MIPOL1: variants seen among roughly 807,000 people sequenced by gnomAD.
MIPOL1 encodes mirror-image polydactyly 1.
Under a neutral mutation model 60.9 loss-of-function variants are expected in MIPOL1, and 57 were observed. The observed-to-expected ratio is 0.94, with a 90% CI of 0.76 to 1.17. MIPOL1 has a LOEUF of 1.17. Ranked by LOEUF, MIPOL1 falls within the 50% of genes most tolerant of loss-of-function variation. MIPOL1 has a pLI of 0.00. For missense variants in MIPOL1, 551 were observed against 511.6 expected (o/e 1.08, Z -0.74); for synonymous variants, 179 against 168.8 (o/e 1.06, Z -0.47).
chr14:37,394,256 C>T (rs1479751257), intron 10 of MIPOL1, among the ~76,000 whole-genome samples: 1 of 151,268 alleles, frequency 6.6e-6, no homozygotes, highest in Admixed American at 6.6e-5. Flanking sequence ...CATATAACTT[C>T]TTTTTCTCTG....
intron 10 of MIPOL1, among the ~76,000 whole-genome samples, chr14:37,389,837 G>A (rs1347879782): frequency 1.3e-5 from 2 of 151,670 alleles, no homozygotes; most frequent in African/African-American, 2.4e-5. Flanking sequence ...GGATATCTGT[G>A]ACTGCACAGG....
chr14:37,205,304 A>T (rs956993112), intron 1 of MIPOL1, among the ~76,000 whole-genome samples: 1 of 151,880 alleles, frequency 6.6e-6, no homozygotes, highest in Non-Finnish European at 1.5e-5. Flanking sequence ...GGATTTCATC[A>T]TGTTGGCCAG....
chr14:37,412,670 T>A (rs543314431), intron 10 of MIPOL1, among the ~76,000 whole-genome samples: 16 of 152,186 alleles, frequency 1.1e-4, no homozygotes, highest in African/African-American at 3.6e-4. Context: ...GAAGATTAGG[T>A]AGAAGCATGA....
intron 11 of MIPOL1, among the ~76,000 whole-genome samples, chr14:37,477,058 T>A (rs1241162047): frequency 6.6e-6 from 1 of 151,636 alleles, no homozygotes; most frequent in African/African-American, 2.4e-5. Context: ...GTACCACACG[T>A]CCAGGTAATT....
intron 12 of MIPOL1, chr14:37,523,465 T>C: frequency 2.5e-6 from 1 of 398,702 alleles, no homozygotes; most frequent in Non-Finnish European, 4.5e-6. Context: ...AGAGTTTTTT[T>C]TTTCCAGATC....
intron 1 of MIPOL1, among the ~76,000 whole-genome samples, chr14:37,239,335 G>T (rs1461720190): frequency 6.6e-6 from 1 of 152,038 alleles, no homozygotes; most frequent in Admixed American, 6.6e-5. Flanking sequence ...GTGAGCCACC[G>T]CGCCTGGCCT....
At chr14:37,240,216 C>T (rs1972130710) in intron 1 of MIPOL1, among the ~76,000 whole-genome samples, 4 of 152,140 alleles carry the variant, frequency 2.6e-5, no homozygotes, top group Middle Eastern at 3.4e-3. Context: ...TGTTAAACTA[C>T]AGAAAATATG....
At chr14:37,444,415 T>C (rs1194864815) in intron 11 of MIPOL1, among the ~76,000 whole-genome samples, 1 of 152,170 alleles carries the variant, frequency 6.6e-6, no homozygotes, top group Admixed American at 6.6e-5. Context: ...TGTTCATAAA[T>C]GGGAACACTC....
intron 10 of MIPOL1, among the ~76,000 whole-genome samples, chr14:37,372,770 A>AAG (rs1393232469): frequency 4.0e-5 from 6 of 151,406 alleles, no homozygotes; most frequent in Non-Finnish European, 8.8e-5. Context: ...AAAAAAAAAA[A>AAG]ATTGCTAGGC....
intron 9 of MIPOL1, among the ~76,000 whole-genome samples, chr14:37,356,230 G>T (rs1323337059): frequency 1.3e-5 from 2 of 151,642 alleles, no homozygotes; most frequent in Non-Finnish European, 2.9e-5. Flanking sequence ...GGGGTCAGGG[G>T]TCAGGGACCC....
chr14:37,368,001 T>C (rs900811512), intron 9 of MIPOL1, among the ~76,000 whole-genome samples: 1 of 152,138 alleles, frequency 6.6e-6, no homozygotes. Flanking sequence ...CCACATAATA[T>C]GTGTCACAAA....
intron 9 of MIPOL1, among the ~76,000 whole-genome samples, chr14:37,327,248 G>A (rs184682734): frequency 7.3e-4 from 111 of 152,264 alleles, no homozygotes; most frequent in African/African-American, 2.6e-3. Context: ...AAATGGATTA[G>A]CATGCAGTAT....
chr14:37,300,463 T>C lies in MIPOL1; in HGVS notation c.624-7593T>C, dbSNP rs1290422333. ...TTGTGGATTGGAAGCTCTTTCAGGT[T>C]AGCTCCTATATTTCTTTGATATGTC... On this transcript the variant is annotated intron_variant, in intron 7 of 12. Transcript: ENST00000684589. Among the ~76,000 whole-genome samples the C allele has an allele frequency of 5.7e-4, 8 of 14,144 alleles. 4 individuals are homozygous for C. The highest frequency in any genetic ancestry group is 7.1e-4 in the African/African-American group (8 of 11,246). The allele number at this position is 14,144 out of a possible 152,430, so 9.3% of individuals were successfully genotyped here.
intron 3 of MIPOL1, among the ~76,000 whole-genome samples, chr14:37,248,557 A>G (rs913203499): frequency 9.9e-5 from 15 of 152,248 alleles, no homozygotes; most frequent in South Asian, 6.2e-4. Context: ...AGAGACACAT[A>G]TAGTGAAAGA....
chr14:37,293,834 A>G (rs1324701913), intron 7 of MIPOL1, among the ~76,000 whole-genome samples: 1 of 152,194 alleles, frequency 6.6e-6, no homozygotes, highest in Non-Finnish European at 1.5e-5. Context: ...GGTGGGGCCC[A>G]CCACAGCTCA....
intron 6 of MIPOL1, chr14:37,276,906 T>C (rs2083701582): frequency 6.6e-6 from 1 of 151,262 alleles, no homozygotes; most frequent in Admixed American, 6.6e-5. Context: ...TTGATTATAT[T>C]ACTGTCTTTG....
At chr14:37,502,126 G>C (rs2095224653) in intron 12 of MIPOL1, 2 of 152,318 alleles carry the variant, frequency 1.3e-5, no homozygotes, top group African/African-American at 2.4e-5. Flanking sequence ...CCGCAGCTCA[G>C]CAAGGCCTAC....
intron 9 of MIPOL1, among the ~76,000 whole-genome samples, chr14:37,322,037 A>T (rs2088633709): frequency 6.6e-6 from 1 of 151,944 alleles, no homozygotes; most frequent in African/African-American, 2.4e-5. Flanking sequence ...GATTTATCAC[A>T]TTATCTAGGT....
chr14:37,287,794 T>A (rs539815425), intron 7 of MIPOL1, among the ~76,000 whole-genome samples: 1 of 152,124 alleles, frequency 6.6e-6, no homozygotes, highest in Non-Finnish European at 1.5e-5. Flanking sequence ...AATCTATATT[T>A]ATTTTTTAAA....
Sources: allele counts gnomAD v4.1 joint callset (sites outside exome capture counted in the v4.1 genomes callset), GRCh38; gene constraint gnomAD v4.1.1; transcripts MANE v1.5; gene names NCBI Gene and HGNC (gene_info 2026-07-23, HGNC 2026-07-21).